PIAS1: variants seen among roughly 807,000 people sequenced by gnomAD.
PIAS1 encodes protein inhibitor of activated STAT 1.
Under a neutral mutation model 71.3 loss-of-function variants are expected in PIAS1, and 6 were observed. That is an observed-to-expected ratio of 0.08 (90% CI 0.05 to 0.17). PIAS1 has a LOEUF of 0.17. Among genes scored for constraint, PIAS1 ranks in the 10% least tolerant of loss-of-function variants. The pLI is 1.00. For synonymous variants in PIAS1, 303 were observed against 292.9 expected (o/e 1.03, Z -0.35); for missense variants, 555 against 793.6 (o/e 0.70, Z 3.61).
intron 2 of PIAS1, among the ~76,000 whole-genome samples, chr15:68,088,950 C>T (rs8037140): frequency 0.011 from 1,679 of 152,262 alleles, 30 homozygotes; most frequent in African/African-American, 0.036. Context: ...CATTTCTAAA[C>T]GTACATACAT....
chr15:68,153,713 A>G lies in PIAS1; in HGVS notation c.934+18A>G, dbSNP rs765684213. 1 of 1,180,456 alleles carries G rather than the reference A, an allele frequency of 8.5e-7. No individual in the cohort carries two copies. Among genetic ancestry groups the G allele is most frequent in the Non-Finnish European group, 1.3e-6 (1 of 789,082 alleles). 73.1% of individuals were successfully genotyped at this position (1,180,456 alleles called of 1,614,324 possible). On this transcript the variant is annotated intron_variant, in intron 7 of 13. Transcript: ENST00000249636. ...AGCTTTAAGTACGTATGATAAACTT[A>G]TTTCACTTATTCAGCTATTTTGTTA...
At chr15:68,172,477 C>T (rs1465551090) in intron 8 of PIAS1, among the ~76,000 whole-genome samples, 2 of 152,108 alleles carry the variant, frequency 1.3e-5, no homozygotes, top group African/African-American at 2.4e-5. Flanking sequence ...AGTTCCAGAT[C>T]CTTGAGGAAT....
rs2092144246 is a variant in PIAS1 at position 68,075,078 on chromosome 15, C to CTTTCT, written c.25-11225_25-11224insCTTTT. ...ATAAAAACATTTTCTTTCTTTCTTT[C>CTTTCT]TTTTTTTTTTTTTTTTTTTTTTTTT... On this transcript the variant is annotated intron_variant, in intron 1 of 13. Transcript: ENST00000249636. Among the ~76,000 whole-genome samples, 7 of 81,766 alleles carry CTTTCT rather than the reference C, an allele frequency of 8.6e-5. No individual in the cohort carries two copies. The East Asian group carries it at 2.2e-3, about 26-fold the overall frequency. The allele number at this position is 81,766 out of a possible 152,430, so 53.6% of individuals were successfully genotyped here. A position where few individuals can be genotyped will look rare whatever the true frequency, so the allele number is the denominator to read the frequency against.
intron 6 of PIAS1, among the ~76,000 whole-genome samples, chr15:68,148,531 C>T (rs984105061): frequency 3.3e-5 from 5 of 152,008 alleles, no homozygotes; most frequent in African/African-American, 1.2e-4. Flanking sequence ...TGGGTTCAAG[C>T]GATTCTCCTG....
chr15:68,153,719 C>G, intron 7 of PIAS1, 24 bp downstream of exon 7: 1 of 1,140,550 alleles, frequency 8.8e-7, no homozygotes, highest in African/African-American at 1.5e-5. Flanking sequence ...ACTTATTTCA[C>G]TTATTCAGCT....
At chr15:68,162,759 A>T (rs933988408) in intron 7 of PIAS1, among the ~76,000 whole-genome samples, 2 of 152,150 alleles carry the variant, frequency 1.3e-5, no homozygotes, top group Non-Finnish European at 2.9e-5. Context: ...CTTTCTTTTT[A>T]AAGATGGGGT....
intron 2 of PIAS1, among the ~76,000 whole-genome samples, chr15:68,140,775 C>T (rs2092764640): frequency 6.6e-6 from 1 of 152,100 alleles, no homozygotes; most frequent in South Asian, 2.1e-4. Context: ...ATTGAAACAG[C>T]CAACTTCAGC....
intron 2 of PIAS1, among the ~76,000 whole-genome samples, chr15:68,132,368 G>A (rs748460397): frequency 1.3e-5 from 2 of 152,006 alleles, no homozygotes; most frequent in Non-Finnish European, 2.9e-5. Context: ...TCAGCTACTC[G>A]GGAGGCTGAG....
At chr15:68,108,609 T>TG (rs1490864695) in intron 2 of PIAS1, among the ~76,000 whole-genome samples, 5 of 152,172 alleles carry the variant, frequency 3.3e-5, no homozygotes, top group East Asian at 1.9e-4. Flanking sequence ...ACTGCCTGCT[T>TG]TATATCACCA....
At chr15:68,128,090 T>C (rs1476635189) in intron 2 of PIAS1, among the ~76,000 whole-genome samples, 1 of 152,146 alleles carries the variant, frequency 6.6e-6, no homozygotes, top group East Asian at 1.9e-4. Context: ...ATCTTTTGTT[T>C]AGGCAGTTCA....
chr15:68,152,877 T>G (rs930571982), intron 6 of PIAS1, among the ~76,000 whole-genome samples: 26 of 149,846 alleles, frequency 1.7e-4, no homozygotes, highest in African/African-American at 6.4e-4. Flanking sequence ...TGATTAACTG[T>G]TTTTTTTTGG....
chr15:68,163,258 A>G (rs142082035), intron 7 of PIAS1, among the ~76,000 whole-genome samples: 2 of 152,358 alleles, frequency 1.3e-5, no homozygotes, highest in African/African-American at 4.8e-5. Context: ...GTGTATAATG[A>G]CAAAGGCATA....
intron 1 of PIAS1, among the ~76,000 whole-genome samples, chr15:68,062,625 T>A (rs2091972247): frequency 6.6e-6 from 1 of 152,226 alleles, no homozygotes; most frequent in Non-Finnish European, 1.5e-5. Context: ...GGAATAAAAA[T>A]ATGTCACTTT....
chr15:68,072,762 C>G (rs968804015), intron 1 of PIAS1, among the ~76,000 whole-genome samples: 3 of 152,156 alleles, frequency 2.0e-5, no homozygotes, highest in African/African-American at 7.2e-5. Flanking sequence ...TATCTTACAT[C>G]CCTTTTCAAA....
At chr15:68,099,002 T>A (rs2092401281) in intron 2 of PIAS1, among the ~76,000 whole-genome samples, 2 of 152,170 alleles carry the variant, frequency 1.3e-5, no homozygotes, top group African/African-American at 4.8e-5. Context: ...TGTAAGAGAC[T>A]GTTTTTTCCT....
chr15:68,081,975 A>G lies in PIAS1; in HGVS notation c.25-4331A>G, dbSNP rs78129314. ...TCAGAACAGATTAAGAGAAGCTGCT[A>G]TGATTCCAGATGGGGATATATAGTT... On this transcript the variant is annotated intron_variant, in intron 1 of 13. Coordinates refer to ENST00000249636, the MANE Select transcript of PIAS1 (RefSeq NM_016166.3). 1.3e-4 allele frequency among the ~76,000 whole-genome samples: 20 copies of G among 152,114 alleles called. No individual in the cohort carries two copies. In the East Asian group the frequency reaches 3.7e-3, roughly 28 times the overall value.
At chr15:68,067,734 G>A (rs191895027) in intron 1 of PIAS1, among the ~76,000 whole-genome samples, 59 of 152,186 alleles carry the variant, frequency 3.9e-4, no homozygotes, top group African/African-American at 1.4e-3. Context: ...ATTATATACA[G>A]CGTAGTATGT....
intron 8 of PIAS1, among the ~76,000 whole-genome samples, chr15:68,166,016 G>A (rs1011182134): frequency 2.0e-5 from 3 of 152,066 alleles, no homozygotes; most frequent in African/African-American, 4.8e-5. Context: ...AATGTTATTT[G>A]TAATTACAAA....
intron 1 of PIAS1, among the ~76,000 whole-genome samples, chr15:68,065,660 A>G (rs1409198343): frequency 6.6e-6 from 1 of 151,050 alleles, no homozygotes; most frequent in African/African-American, 2.4e-5. Flanking sequence ...AGAGTTATTT[A>G]ATTAAATCCT....
Sources: gnomAD v4.1 joint callset for allele counts (sites outside exome capture counted in the v4.1 genomes callset) on GRCh38, gnomAD v4.1.1 for gene constraint, MANE v1.5 for transcripts, NCBI Gene and HGNC (gene_info 2026-07-23, HGNC 2026-07-21) for gene names.